NFATC2: variants seen among roughly 807,000 people sequenced by gnomAD.
The protein encoded by NFATC2 is nuclear factor of activated T cells 2, also known as nuclear factor of activated T-cells, cytoplasmic 2.
A neutral mutation model predicts 87.3 loss-of-function variants in NFATC2; 22 were observed. That is an observed-to-expected ratio of 0.25 (90% CI 0.18 to 0.36). The LOEUF is 0.36. Among genes scored for constraint, NFATC2 ranks in the 10% least tolerant of loss-of-function variants. NFATC2 has a pLI of 1.00. For synonymous variants in NFATC2, 565 were observed against 542.2 expected (o/e 1.04, Z -0.58); for missense variants, 1,149 against 1,259.1 (o/e 0.91, Z 1.32).
chr20:51,420,807 A>G (rs1980778752), intron 9 of NFATC2, among the ~76,000 whole-genome samples: 1 of 152,362 alleles, frequency 6.6e-6, no homozygotes, highest in Non-Finnish European at 1.5e-5. Context: ...ATTAATTTCC[A>G]TGTGTGCTAG....
chr20:51,517,783 G>T (rs1419859056), intron 2 of NFATC2, among the ~76,000 whole-genome samples: 2 of 151,892 alleles, frequency 1.3e-5, no homozygotes, highest in East Asian at 3.9e-4. Context: ...TGGGCTTGGT[G>T]GTGCATGCCT....
intron 3 of NFATC2, among the ~76,000 whole-genome samples, chr20:51,503,880 G>T (rs111281955): frequency 6.6e-6 from 1 of 152,188 alleles, no homozygotes; most frequent in Admixed American, 6.5e-5. Flanking sequence ...GTCTTGCTCT[G>T]TCACCCAGGC....
intron 10 of NFATC2, among the ~76,000 whole-genome samples, chr20:51,395,704 C>T (rs143595391): frequency 3.3e-5 from 5 of 152,084 alleles, no homozygotes; most frequent in Non-Finnish European, 2.9e-5. Flanking sequence ...AAATTACGCA[C>T]AAAACATGCT....
chr20:51,543,975 ATTTTTTTT>A (rs11473264), upstream of NFATC2, among the ~76,000 whole-genome samples: 29 of 72,978 alleles, frequency 4.0e-4, no homozygotes, highest in East Asian at 7.0e-3. Context: ...AGAATTCCTA[ATTTTTTTT>A]TTTTTTTTTT....
At chr20:51,416,640 AGAAGATGAT>A (rs1980079532) in intron 9 of NFATC2, among the ~76,000 whole-genome samples, 1 of 152,210 alleles carries the variant, frequency 6.6e-6, no homozygotes, top group Non-Finnish European at 1.5e-5. Context: ...GATGAGGCTA[AGAAGATGAT>A]GAAGCTGATA....
chr20:51,429,458 T>C (rs148104210), intron 9 of NFATC2, among the ~76,000 whole-genome samples: 235 of 152,364 alleles, frequency 1.5e-3, no homozygotes, highest in African/African-American at 5.5e-3. Flanking sequence ...GAAGCCGGAC[T>C]ATGGCACAGG....
At chr20:51,477,535 C>CTCTATATA (rs1400090340) in intron 3 of NFATC2, among the ~76,000 whole-genome samples, 20 of 72,716 alleles carry the variant, frequency 2.8e-4, no homozygotes, top group African/African-American at 9.9e-4. Context: ...GTGTGTGTGT[C>CTCTATATA]TATATATATA....
chr20:51,554,719 A>C (rs1189197909), intron 1 of NFATC2, among the ~76,000 whole-genome samples: 2 of 152,192 alleles, frequency 1.3e-5, no homozygotes, highest in Admixed American at 1.3e-4. Flanking sequence ...GTGCACCATG[A>C]AAATGGTTTT....
intron 9 of NFATC2, among the ~76,000 whole-genome samples, chr20:51,427,490 C>T (rs538000518): frequency 9.9e-5 from 15 of 152,276 alleles, no homozygotes; most frequent in African/African-American, 3.6e-4. Flanking sequence ...TGAAATGCAC[C>T]GCCTTCCATC....
At chr20:51,520,841 G>A (rs902562912) in intron 2 of NFATC2, among the ~76,000 whole-genome samples, 2 of 151,622 alleles carry the variant, frequency 1.3e-5, no homozygotes, top group Admixed American at 1.3e-4. Flanking sequence ...TGTATTTTTA[G>A]TAGAGACAGG....
intron 6 of NFATC2, among the ~76,000 whole-genome samples, chr20:51,451,692 C>T (rs931521635): frequency 7.2e-5 from 11 of 152,196 alleles, no homozygotes; most frequent in Admixed American, 3.3e-4. Context: ...ACCGCCTGAG[C>T]GCTGCCTCCT....
chr20:51,465,037 C>T (rs139810699), intron 5 of NFATC2, among the ~76,000 whole-genome samples: 54 of 152,316 alleles, frequency 3.5e-4, no homozygotes, highest in African/African-American at 1.2e-3. Context: ...TTCATTCTGC[C>T]TTCAAGTATT....
chr20:51,401,763 C>T (rs1263850482), intron 9 of NFATC2, among the ~76,000 whole-genome samples: 5 of 152,126 alleles, frequency 3.3e-5, no homozygotes, highest in African/African-American at 1.2e-4. Flanking sequence ...CCCACTGATC[C>T]TATGGACTAG....
chr20:51,430,806 T>C (rs1982594196), intron 9 of NFATC2, among the ~76,000 whole-genome samples: 1 of 152,200 alleles, frequency 6.6e-6, no homozygotes, highest in South Asian at 2.1e-4. Context: ...TGATGGTAAC[T>C]ATTGTGGCTG....
chr20:51,532,656 G>T (rs1190838029), intron 1 of NFATC2, among the ~76,000 whole-genome samples: 1 of 152,210 alleles, frequency 6.6e-6, no homozygotes, highest in Non-Finnish European at 1.5e-5. Flanking sequence ...ACACAGCCAA[G>T]TCTGAGGTGG....
intron 9 of NFATC2, among the ~76,000 whole-genome samples, chr20:51,404,110 T>C (rs1988324357): frequency 6.6e-6 from 1 of 151,576 alleles, no homozygotes; most frequent in East Asian, 1.9e-4. Flanking sequence ...GGAGGCCCTC[T>C]TTTTCCTCTG....
At chr20:51,472,639 T>G (rs1349705887) in intron 5 of NFATC2, among the ~76,000 whole-genome samples, 56 of 142,422 alleles carry the variant, frequency 3.9e-4, no homozygotes, top group African/African-American at 1.3e-3. Flanking sequence ...CTTTTTTTTT[T>G]TTTTTTTTTT....
upstream of NFATC2, among the ~76,000 whole-genome samples, chr20:51,545,441 A>G (rs960232261): frequency 2.0e-5 from 3 of 152,224 alleles, no homozygotes; most frequent in Non-Finnish European, 4.4e-5. Context: ...AGAGAATTTT[A>G]TCTCCACTAA....
chr20:51,510,216 A>C lies in NFATC2; in HGVS notation c.1332+6568T>G, dbSNP rs1057496862. 2.0e-5 allele frequency among the ~76,000 whole-genome samples: 3 copies of C among 152,232 alleles called. No individual in the cohort carries two copies. The East Asian group carries it at 5.8e-4, about 29-fold the overall frequency. On this transcript the variant is annotated intron_variant, in intron 3 of 10. Coordinates refer to ENST00000371564, the MANE Select transcript of NFATC2 (RefSeq NM_012340.5). The stretch of plus-strand genomic sequence containing the variant: ...CACAAGGATGGATAAGGAATATACC[A>C]AAGTATCCCCTCCAGGGAATTTCTG...
Sources: gnomAD v4.1 joint callset for allele counts (sites outside exome capture counted in the v4.1 genomes callset) on GRCh38, gnomAD v4.1.1 for gene constraint, MANE v1.5 for transcripts, NCBI Gene and HGNC (gene_info 2026-07-23, HGNC 2026-07-21) for gene names.